CRLF2: variants seen among roughly 807,000 people sequenced by gnomAD.
The protein encoded by CRLF2 is cytokine receptor like factor 2.
CRLF2 carries 41 observed loss-of-function variants against 38.7 expected under a neutral mutation model. The ratio of observed to expected loss-of-function variants is 1.06; its 90% CI spans 0.83 to 1.37. The LOEUF (loss-of-function observed/expected upper bound fraction) is 1.37. Among genes scored for constraint, CRLF2 ranks in the 40% most tolerant of loss-of-function variants. The pLI is 0.00. For missense variants in CRLF2, 377 were observed against 322.2 expected, an observed-to-expected ratio of 1.17 and a Z score of -1.30; for synonymous variants, 140 against 128.8, an observed-to-expected ratio of 1.09 and a Z score of -0.59.
chrX:1,193,446 C>T (rs1377333036), intron 6 of CRLF2, 144 bp from the exon 7 acceptor site: 15 of 395,216 alleles, frequency 3.8e-5, no homozygotes, highest in Non-Finnish European at 6.2e-5. Context: ...TGTCTCCTCC[C>T]GCTCCCCAGG....
Position 1,206,453 on chromosome X carries a change from CTTG to C in CRLF2, c.326_328del (p.Ala109_Ser110delinsGly), listed in dbSNP as rs773858246. The C allele has an allele frequency of 3.0e-5, 49 of 1,613,522 alleles. No homozygotes were observed. The highest frequency in any genetic ancestry group is 3.4e-6 in the Non-Finnish European group (4 of 1,179,662). ...CTTACGGTAATAAACCATCCAGCGA[CTTG>C]CGGTGAAAACGGGGTGCGTCCCATT... On this transcript the variant is annotated inframe_deletion, in exon 3 of 8. Transcript: ENST00000400841.
intron 1 of CRLF2, 131 bp from the exon 2 acceptor site, chrX:1,209,039 C>T (rs2086741338): frequency 8.5e-6 from 5 of 591,486 alleles, no homozygotes; most frequent in Non-Finnish European, 1.2e-5. Flanking sequence ...ACGATCTCGG[C>T]TCACTGCAAC....
chrX:1,192,724 C>A, intron 7 of CRLF2, among the ~76,000 whole-genome samples: 1 of 65,714 alleles, frequency 1.5e-5, no homozygotes, highest in Non-Finnish European at 2.9e-5. Flanking sequence ...TTCTTTCTTT[C>A]TTTCTTTCTT....
chrX:1,205,126 C>T (rs1225927796), intron 3 of CRLF2, among the ~76,000 whole-genome samples: 1 of 152,034 alleles, frequency 6.6e-6, no homozygotes, highest in African/African-American at 2.4e-5. Context: ...CGCGCCCCGC[C>T]TTTAATTCAT....
chrX:1,198,316 G>A (rs756072783), intron 5 of CRLF2, among the ~76,000 whole-genome samples: 70 of 125,326 alleles, frequency 5.6e-4, no homozygotes, highest in Middle Eastern at 4.6e-3. Flanking sequence ...TCCCAGGAAG[G>A]CAGGACACCC....
intron 7 of CRLF2, among the ~76,000 whole-genome samples, chrX:1,192,537 C>A (rs1187060935): frequency 2.6e-3 from 400 of 151,558 alleles, no homozygotes; most frequent in African/African-American, 9.4e-3. Flanking sequence ...AATCATTTGA[C>A]CCTGGGAGGT....
chrX:1,210,966 T>C (rs762291109), intron 1 of CRLF2, among the ~76,000 whole-genome samples: 7 of 151,422 alleles, frequency 4.6e-5, no homozygotes, highest in Non-Finnish European at 8.8e-5. Flanking sequence ...GATGGATACA[T>C]AGATGTGTAC....
At position 1,210,553 on chromosome X, in the gene CRLF2, G is replaced by A. The variant is rs762040383; in HGVS notation, c.80-1645C>T. Among the ~76,000 whole-genome samples, 81 of 152,062 alleles carry A rather than the reference G, an allele frequency of 5.3e-4. 1 individual carries two copies. Among genetic ancestry groups the A allele is most frequent in the African/African-American group, 1.7e-3 (71 of 41,492 alleles). ...TCTCCATCTCCTGACCTTGTGATCC[G>A]CCCACCTCGGCCTCCCAAAGTGCTG... is the stretch of plus-strand genomic sequence containing the variant. On this transcript the variant is annotated intron_variant, in intron 1 of 7. Coordinates refer to ENST00000400841, the MANE Select transcript of CRLF2 (RefSeq NM_022148.4).
rs1178438432 is a variant in CRLF2, at chrX:1,190,529, T to A, written c.*368A>T. 7 of 277,894 alleles carry A rather than the reference T, an allele frequency of 2.5e-5. No individual in the cohort carries two copies. The highest frequency in any genetic ancestry group is 4.7e-5 in the Non-Finnish European group (7 of 149,048). The allele number at this position is 277,894 out of a possible 1,614,324, so 17.2% of individuals were successfully genotyped here. A position where few individuals can be genotyped will look rare whatever the true frequency, so the allele number is the denominator to read the frequency against. On this transcript the variant is annotated 3_prime_UTR_variant, in exon 8 of 8. Transcript: ENST00000400841. Reference sequence around the variant, plus strand: ...AAAAAATCCTCCGAGAATCCAATGCTATGGGAATGGTACATGGACGGAACT... The same window carrying A: ...AAAAAATCCTCCGAGAATCCAATGCAATGGGAATGGTACATGGACGGAACT...
intron 2 of CRLF2, among the ~76,000 whole-genome samples, chrX:1,207,510 CCCCT>C (rs1365556107): frequency 2.8e-4 from 31 of 109,304 alleles, no homozygotes; most frequent in East Asian, 1.7e-3. Flanking sequence ...CACCCCCCCC[CCCCT>C]CAGCCTCCCA....
chrX:1,192,895 C>G (rs1442148980), intron 7 of CRLF2, among the ~76,000 whole-genome samples: 1 of 150,910 alleles, frequency 6.6e-6, no homozygotes, highest in African/African-American at 2.4e-5. Context: ...CTCACTGCAA[C>G]CTCTGCCTCC....
intron 7 of CRLF2, among the ~76,000 whole-genome samples, chrX:1,191,998 G>C (rs2086389470): frequency 6.9e-6 from 1 of 144,544 alleles, no homozygotes; most frequent in Admixed American, 7.0e-5. Context: ...GAGGTGAGGA[G>C]ATCGAGACCA....
intron 4 of CRLF2, among the ~76,000 whole-genome samples, chrX:1,202,013 A>C (rs2086617242): frequency 6.6e-5 from 10 of 151,962 alleles, no homozygotes; most frequent in Admixed American, 6.6e-4. Flanking sequence ...AGAATGAGAT[A>C]GATTGAAAGA....
chrX:1,191,256 G>T, intron 7 of CRLF2, 96 bp from the exon 8 acceptor site: 1 of 397,868 alleles, frequency 2.5e-6, no homozygotes, highest in East Asian at 3.6e-5. Context: ...GACATCCCTG[G>T]ACATCTTTCT....
At chrX:1,200,678 CTG>C (rs1260310951) in intron 4 of CRLF2, among the ~76,000 whole-genome samples, 918 of 58,626 alleles carry the variant, frequency 0.016, 94 homozygotes, top group African/African-American at 0.044. Flanking sequence ...TGTATATAAG[CTG>C]TGTGTGTGTG....
intron 4 of CRLF2, chrX:1,199,069 A>C: frequency 7.4e-6 from 3 of 407,188 alleles, no homozygotes; most frequent in South Asian, 3.8e-5. Flanking sequence ...GAATCGCTTG[A>C]ACCTGGGAGG....
Position 1,196,807 on chromosome X carries a change from A to G in CRLF2, c.740T>C (p.Leu247Pro), listed in dbSNP as rs1466427794. ...SLAILLMVSL[L>P]LLSLWKLWRV... ...CCATAATTTCCATAAAGACAGAAGG[A>G]GGAGAGACACCATCAGAAGGATGGC... Residue 247 changes from leucine (L) to proline (P), a missense_variant, in exon 6 of 8, where the codon CTC becomes CCC. Leu to Pro is a moderately conservative substitution (Grantham distance 98). Transcript: ENST00000400841. 6.2e-7 allele frequency: 1 copy of G among 1,613,268 alleles called. No individual in the cohort carries two copies. The highest frequency in any genetic ancestry group is 8.5e-7 in the Non-Finnish European group (1 of 1,179,530).
chrX:1,201,365 C>G (rs1407952499), intron 4 of CRLF2, among the ~76,000 whole-genome samples: 1 of 147,298 alleles, frequency 6.8e-6, no homozygotes, highest in Admixed American at 6.8e-5. Flanking sequence ...TGTAGAGAGA[C>G]AGGTGTGTAG....
intron 7 of CRLF2, among the ~76,000 whole-genome samples, chrX:1,191,535 A>AT (rs1385334997): frequency 0.14 from 19,414 of 143,514 alleles, 1,690 homozygotes; most frequent in African/African-American, 0.23. Flanking sequence ...CCAAAAATAA[A>AT]TTTTTTTTTT....
Sources: gnomAD v4.1 joint callset for allele counts (sites outside exome capture counted in the v4.1 genomes callset) on GRCh38, gnomAD v4.1.1 for gene constraint, MANE v1.5 for transcripts, NCBI Gene and HGNC (gene_info 2026-07-23, HGNC 2026-07-21) for gene names.